The following ZNF83 variants were observed in gnomAD, a reference collection of about 807,000 sequenced individuals.
The protein encoded by ZNF83 is zinc finger protein 83, also known as zinc finger protein 816B.
For missense variants in ZNF83, 552 were observed against 629.9 expected, an observed-to-expected ratio of 0.88 and a Z score of 1.32; for synonymous variants, 209 against 213.0, an observed-to-expected ratio of 0.98 and a Z score of 0.17.
intron 3 of ZNF83, among the ~76,000 whole-genome samples, chr19:52,643,692 ACT>A (rs992200106): frequency 5.9e-5 from 9 of 151,346 alleles, no homozygotes; most frequent in Middle Eastern, 3.2e-3. Context: ...CAAGAGCAAA[ACT>A]CTGTCTTAAA....
rs957012804 is a variant in ZNF83, at chr19:52,645,807, C to CA, written c.-74+9753_-74+9754insT. On this transcript the variant is annotated intron_variant, in intron 3 of 5. Coordinates refer to the ZNF83 transcript ENST00000594682. Reference sequence around the variant, plus strand: ...GGGTGACTGAGTGAGATTCTGCCCCCCCCCAAAAAAAGGATAAAGAAAGAA... The same window carrying CA: ...GGGTGACTGAGTGAGATTCTGCCCCCACCCCAAAAAAAGGATAAAGAAAGAA... 1.2e-3 allele frequency among the ~76,000 whole-genome samples: 180 copies of CA among 149,142 alleles called. 3 individuals are homozygous for CA. The highest frequency in any genetic ancestry group is 0.011 in the Admixed American group (166 of 14,988).
At chr19:52,664,437 G>A (rs934046547) in intron 1 of ZNF83, among the ~76,000 whole-genome samples, 6 of 151,932 alleles carry the variant, frequency 3.9e-5, no homozygotes, top group Middle Eastern at 3.2e-3. Context: ...TTTATGCTGC[G>A]GTGAGCTCTG....
intron 3 of ZNF83, among the ~76,000 whole-genome samples, chr19:52,644,233 A>C (rs1314583019): frequency 6.6e-6 from 1 of 151,164 alleles, no homozygotes; most frequent in Non-Finnish European, 1.5e-5. Context: ...TTCTAATTAC[A>C]ACTGGACAGT....
intron 2 of ZNF83, among the ~76,000 whole-genome samples, chr19:52,626,218 G>A (rs1227560147): frequency 2.6e-5 from 4 of 152,060 alleles, no homozygotes; most frequent in South Asian, 2.1e-4. Flanking sequence ...CTTCTGTCAC[G>A]ACCTTCCATA....
At chr19:52,646,741 T>G (rs1262571200) in intron 3 of ZNF83, among the ~76,000 whole-genome samples, 2 of 152,122 alleles carry the variant, frequency 1.3e-5, no homozygotes. Flanking sequence ...AGAAAACAAA[T>G]TCCTTTACTG....
At chr19:52,670,833 T>G (rs2061714871) in intron 1 of ZNF83, among the ~76,000 whole-genome samples, 1 of 152,182 alleles carries the variant, frequency 6.6e-6, no homozygotes, top group Non-Finnish European at 1.5e-5. Context: ...AATTTAAACA[T>G]TTTCTGATTA....
intron 1 of ZNF83, among the ~76,000 whole-genome samples, chr19:52,680,695 C>T (rs1360142844): frequency 7.2e-6 from 1 of 139,400 alleles, no homozygotes; most frequent in Non-Finnish European, 1.5e-5. Flanking sequence ...TCACTGCAAG[C>T]TCCGCCTCCC....
At chr19:52,623,277 G>T (rs1445696210) in intron 2 of ZNF83, among the ~76,000 whole-genome samples, 2 of 152,040 alleles carry the variant, frequency 1.3e-5, no homozygotes, top group Non-Finnish European at 2.9e-5. Context: ...CTGAGCTTTG[G>T]GTAACTCTTA....
rs1373334540 is a variant in ZNF83 at position 52,684,800 on chromosome 19, A to C, written c.-283+5643T>G. Reference sequence around the variant, plus strand: ...GAAAAGGTTTTGGTGTTTGGGAAAAAAAAAATGTGACTGGGGCAGAGGGAG... The same window carrying C: ...GAAAAGGTTTTGGTGTTTGGGAAAACAAAAATGTGACTGGGGCAGAGGGAG... On this transcript the variant is annotated intron_variant, in intron 1 of 5. Transcript: ENST00000594682. 6.6e-5 allele frequency among the ~76,000 whole-genome samples: 10 copies of C among 152,112 alleles called. 1 individual carries two copies. Among genetic ancestry groups the C allele is most frequent in the Non-Finnish European group, 1.3e-4 (9 of 68,012 alleles).
chr19:52,634,945 T>A, intron 2 of ZNF83, 121 bp downstream of exon 2: 2 of 741,742 alleles, frequency 2.7e-6, no homozygotes, highest in Non-Finnish European at 4.7e-6. Context: ...AAGGCATGGG[T>A]GAGTGTGAGC....
At chr19:52,653,135 C>T in intron 3 of ZNF83, 1 of 1,470,568 alleles carries the variant, frequency 6.8e-7, no homozygotes, top group Non-Finnish European at 9.5e-7. Context: ...TTGCCACACT[C>T]ATGACAGTTG....
chr19:52,623,878 T>G (rs2060637490), intron 2 of ZNF83, among the ~76,000 whole-genome samples: 1 of 152,224 alleles, frequency 6.6e-6, no homozygotes, highest in Non-Finnish European at 1.5e-5. Context: ...TCTGTGCCTT[T>G]TAAACCAAAT....
chr19:52,613,392 A>T, exon 3 of ZNF83: 1 of 1,613,594 alleles, frequency 6.2e-7, no homozygotes, highest in South Asian at 1.1e-5. Context: ...GGATTCTGTG[A>T]TGTTGTACAA....
At chr19:52,686,630 G>A (rs1039771280) in intron 1 of ZNF83, among the ~76,000 whole-genome samples, 8 of 151,996 alleles carry the variant, frequency 5.3e-5, no homozygotes, top group African/African-American at 1.9e-4. Context: ...CTGCAGTGCA[G>A]CAACATGATT....
intron 1 of ZNF83, among the ~76,000 whole-genome samples, chr19:52,685,897 C>CAAAAA (rs3055370): frequency 3.8e-5 from 5 of 132,540 alleles, no homozygotes; most frequent in Admixed American, 8.4e-5. Flanking sequence ...GTAACTGTCA[C>CAAAAA]AAAAAAAAAA....
At chr19:52,687,951 C>T (rs1417496420) in intron 1 of ZNF83, among the ~76,000 whole-genome samples, 1 of 151,942 alleles carries the variant, frequency 6.6e-6, no homozygotes, top group Admixed American at 6.6e-5. Flanking sequence ...CTCAATAAGT[C>T]ACTGCTCTCT....
chr19:52,686,276 T>A lies in ZNF83; in HGVS notation c.-283+4167A>T, dbSNP rs570088567. On this transcript the variant is annotated intron_variant, in intron 1 of 5. Transcript: ENST00000594682. The stretch of plus-strand genomic sequence containing the variant: ...AACCGAAACTATTTTTAAATTGTTT[T>A]AAAAAAAAATCTAACAAACTCTGAG... Among the ~76,000 whole-genome samples the A allele has an allele frequency of 1.3e-4, 20 of 151,324 alleles. No homozygotes were observed. The South Asian group carries it at 4.2e-3, about 32-fold the overall frequency.
At chr19:52,689,655 C>T (rs1325586927) in intron 1 of ZNF83, among the ~76,000 whole-genome samples, 1 of 152,098 alleles carries the variant, frequency 6.6e-6, no homozygotes, top group Non-Finnish European at 1.5e-5. Context: ...TTCACTTTTG[C>T]TGTCTCTTGG....
intron 1 of ZNF83, among the ~76,000 whole-genome samples, chr19:52,668,579 A>G (rs1247373878): frequency 1.3e-5 from 2 of 152,126 alleles, no homozygotes; most frequent in Admixed American, 6.5e-5. Flanking sequence ...TCCCAAATCT[A>G]TGAAATCAAA....
Sources: allele counts gnomAD v4.1 joint callset (sites outside exome capture counted in the v4.1 genomes callset), GRCh38; gene constraint gnomAD v4.1.1; transcripts MANE v1.5; gene names NCBI Gene and HGNC (gene_info 2026-07-23, HGNC 2026-07-21).